Variants in PTP4A3 observed in about 807,000 individuals in gnomAD.
The protein encoded by PTP4A3 is protein tyrosine phosphatase type IVA 3.
Under a neutral mutation model 15.2 loss-of-function variants are expected in PTP4A3, and 9 were observed. The ratio of observed to expected loss-of-function variants is 0.59; its 90% CI spans 0.36 to 1.03. PTP4A3 has a LOEUF of 1.03. Among genes scored for constraint, PTP4A3 ranks in the 50% least tolerant of loss-of-function variants. The probability of loss-of-function intolerance (pLI) is 0.02; values close to 1 mark genes in which losing one functional copy is unlikely to be tolerated. For synonymous variants in PTP4A3, 95 were observed against 102.0 expected, an observed-to-expected ratio of 0.93 and a Z score of 0.41; for missense variants, 234 against 252.1, an observed-to-expected ratio of 0.93 and a Z score of 0.49.
At chr8:141,427,898 G>A (rs985923577) in intron 5 of PTP4A3, 74 bp downstream of exon 5, 9 of 1,377,620 alleles carry the variant, frequency 6.5e-6, no homozygotes, top group East Asian at 2.5e-5. Flanking sequence ...GAAGGGTGGC[G>A]GCATTGGCTG....
In PTP4A3 at chr8:141,426,436, GC is replaced by G. The variant is rs1042740982; in HGVS notation, c.199-500del. 41 of 985,438 alleles carry G rather than the reference GC, an allele frequency of 4.2e-5. No homozygotes were observed. In the African/African-American group the frequency reaches 6.4e-4, roughly 15 times the overall value. The allele number at this position is 985,438 out of a possible 1,614,324, so 61.0% of individuals were successfully genotyped here. A position where few individuals can be genotyped will look rare whatever the true frequency, so the allele number is the denominator to read the frequency against. Reference sequence around the variant, plus strand: ...TCGAGTCCTGCCCTCAGAAATGTGGGCCCTGTCTCGCCCCACAGCCCTGTCT... The same window carrying G: ...TCGAGTCCTGCCCTCAGAAATGTGGGCCTGTCTCGCCCCACAGCCCTGTCT... On this transcript the variant is annotated intron_variant, in intron 3 of 5. Coordinates refer to ENST00000521578, the MANE Select transcript of PTP4A3 (RefSeq NM_032611.3).
At chr8:141,428,677 C>T (rs1252352098) in intron 5 of PTP4A3, among the ~76,000 whole-genome samples, 2 of 152,198 alleles carry the variant, frequency 1.3e-5, no homozygotes, top group Non-Finnish European at 2.9e-5. Flanking sequence ...AGAGCGTGGC[C>T]TGCAGGTGCT....
Position 141,425,035 on chromosome 8 carries a change from C to T in PTP4A3, c.106-13C>T, listed in dbSNP as rs1030909587. The T allele has an allele frequency of 2.5e-6, 4 of 1,609,674 alleles. No homozygotes were observed. Among genetic ancestry groups the T allele is most frequent in the African/African-American group, 2.7e-5 (2 of 74,844 alleles). On this transcript the variant is annotated splice_polypyrimidine_tract_variant and intron_variant, in intron 2 of 5. Coordinates refer to ENST00000521578, the MANE Select transcript of PTP4A3 (RefSeq NM_032611.3). This position sits in a 1 kb window ranked among gnomAD's most constrained non-coding sequence, Gnocchi z 4.2. The stretch of plus-strand genomic sequence containing the variant: ...CCAGCCCAGCCCTGCCTCCTCCGTC[C>T]TCCCACCCCCAGGACCTGAAGAAGT...
Position 141,402,723 on chromosome 8 carries a change from C to T in PTP4A3, c.-854+10639C>T, listed in dbSNP as rs1432006273. ...TCCTGCTCCCCTTTTTCCTCACTTT[C>T]CCCCCACCCCTCCCCCCTGCTTCCG... is the stretch of plus-strand genomic sequence containing the variant. On this transcript the variant is annotated intron_variant, in intron 1 of 5. Coordinates refer to ENST00000521578, the MANE Select transcript of PTP4A3 (RefSeq NM_032611.3). Among the ~76,000 whole-genome samples the T allele has an allele frequency of 2.0e-3, 235 of 119,778 alleles. 1 individual carries two copies. Among genetic ancestry groups the T allele is most frequent in the African/African-American group, 6.3e-3 (208 of 32,778 alleles). 78.6% of individuals were successfully genotyped at this position (119,778 alleles called of 152,430 possible). A position where few individuals can be genotyped will look rare whatever the true frequency, so the allele number is the denominator to read the frequency against.
intron 1 of PTP4A3, among the ~76,000 whole-genome samples, chr8:141,410,237 C>G (rs1267247290): frequency 6.6e-6 from 1 of 152,280 alleles, no homozygotes; most frequent in Non-Finnish European, 1.5e-5. Flanking sequence ...CCCCGGCCCC[C>G]AGGCTCCCAG....
intron 1 of PTP4A3, among the ~76,000 whole-genome samples, chr8:141,394,091 G>A (rs918217667): frequency 1.3e-5 from 2 of 152,210 alleles, no homozygotes; most frequent in African/African-American, 4.8e-5. Context: ...AGGGTGGGCA[G>A]AGTGTCCGCT....
intron 1 of PTP4A3, among the ~76,000 whole-genome samples, chr8:141,410,052 C>T (rs1188121588): frequency 6.6e-6 from 1 of 152,254 alleles, no homozygotes; most frequent in Admixed American, 6.5e-5. Flanking sequence ...GGGGAGGTGA[C>T]CAGGCCTGGC....
At chr8:141,420,691 C>A (rs1456712444) in intron 1 of PTP4A3, among the ~76,000 whole-genome samples, 2 of 152,242 alleles carry the variant, frequency 1.3e-5, no homozygotes, top group African/African-American at 4.8e-5. Context: ...GCCTGTTTAT[C>A]CCCGAGCCTG....
At chr8:141,393,600 T>C (rs922860916) in intron 1 of PTP4A3, among the ~76,000 whole-genome samples, 15 of 152,134 alleles carry the variant, frequency 9.9e-5, no homozygotes, top group African/African-American at 3.6e-4. Flanking sequence ...TGGGAGAAAA[T>C]GCAGGCGGGG....
At chr8:141,402,239 A>T (rs1334569940) in intron 1 of PTP4A3, among the ~76,000 whole-genome samples, 1 of 152,114 alleles carries the variant, frequency 6.6e-6, no homozygotes, top group African/African-American at 2.4e-5. Context: ...GAAGGCATGG[A>T]TGGGACCAGT....
intron 1 of PTP4A3, among the ~76,000 whole-genome samples, chr8:141,407,054 T>C (rs1004748249): frequency 3.9e-5 from 6 of 152,116 alleles, no homozygotes; most frequent in Non-Finnish European, 7.4e-5. Flanking sequence ...GGAGAGTCCC[T>C]CCCCAACTCC....
In PTP4A3 at chr8:141,413,838, C is replaced by CAG. The variant is rs1832936152; in HGVS notation, c.-853-7547_-853-7546dup. Among the ~76,000 whole-genome samples the CAG allele has an allele frequency of 2.1e-5, 3 of 144,782 alleles. No individual in the cohort carries two copies. The South Asian group carries it at 6.4e-4, about 31-fold the overall frequency. The allele number at this position is 144,782 out of a possible 152,430, so 95.0% of individuals were successfully genotyped here. A position where few individuals can be genotyped will look rare whatever the true frequency, so the allele number is the denominator to read the frequency against. ...TGTGCCATCCTCCTTCCAGCCTGGGCAGAGGCCTTCCAGGCAAGATGAAAG... is the reference window on the plus strand; with the variant it reads ...TGTGCCATCCTCCTTCCAGCCTGGGCAGAGAGGCCTTCCAGGCAAGATGAAAG... On this transcript the variant is annotated intron_variant, in intron 1 of 5. Coordinates refer to ENST00000521578, the MANE Select transcript of PTP4A3 (RefSeq NM_032611.3).
chr8:141,426,450 C>T lies in PTP4A3; in HGVS notation c.199-489C>T, dbSNP rs1426361264. 3 of 985,364 alleles carry T rather than the reference C, an allele frequency of 3.0e-6. No individual in the cohort carries two copies. The East Asian group carries it at 3.4e-4, about 112-fold the overall frequency. The allele number at this position is 985,364 out of a possible 1,614,324, so 61.0% of individuals were successfully genotyped here. The stretch of plus-strand genomic sequence containing the variant: ...CAGAAATGTGGGCCCTGTCTCGCCC[C>T]ACAGCCCTGTCTTCAGTCCTTCCTG... On this transcript the variant is annotated intron_variant, in intron 3 of 5. Transcript: ENST00000521578.
At chr8:141,392,754 G>A (rs1367934528) in intron 1 of PTP4A3, among the ~76,000 whole-genome samples, 1 of 152,220 alleles carries the variant, frequency 6.6e-6, no homozygotes, top group African/African-American at 2.4e-5. Context: ...TGGGGTGGTG[G>A]CATGCTTAGC....
chr8:141,396,258 G>A lies in PTP4A3; in HGVS notation c.-854+4174G>A, dbSNP rs868788548. ...ATCCTAGAGGATTGAGACCTCTGGC[G>A]GGTAAGTGTTCATATTACCGTCCTG... is the stretch of plus-strand genomic sequence containing the variant. On this transcript the variant is annotated intron_variant, in intron 1 of 5. Coordinates refer to ENST00000521578, the MANE Select transcript of PTP4A3 (RefSeq NM_032611.3). Among the ~76,000 whole-genome samples the A allele has an allele frequency of 3.3e-5, 5 of 152,338 alleles. 1 individual carries two copies. The Middle Eastern group carries it at 0.01, about 311-fold the overall frequency.
In PTP4A3 at chr8:141,409,301, C is replaced by T. The variant is rs375254573; in HGVS notation, c.-853-12087C>T. Among the ~76,000 whole-genome samples the T allele has an allele frequency of 6.0e-4, 92 of 152,308 alleles. 1 individual carries two copies. The highest frequency in any genetic ancestry group is 3.4e-3 in the Middle Eastern group (1 of 294). On this transcript the variant is annotated intron_variant, in intron 1 of 5. Transcript: ENST00000521578. ...GGCTGTCTCTGAGCCCTGGAGCTGG[C>T]GGGGTAGGGATCAGCTCCTGTGAGC...
At chr8:141,395,688 CCCTCCCT>C (rs1832431991) in intron 1 of PTP4A3, among the ~76,000 whole-genome samples, 2 of 134,670 alleles carry the variant, frequency 1.5e-5, no homozygotes, top group African/African-American at 7.9e-5. Flanking sequence ...CGTGGGCCAC[CCCTCCCT>C]CCTGCAGCCC....
At chr8:141,422,559 G>A (rs1392082991) in intron 2 of PTP4A3, among the ~76,000 whole-genome samples, 3 of 152,132 alleles carry the variant, frequency 2.0e-5, no homozygotes, top group Admixed American at 2.0e-4. Flanking sequence ...GGGGATCAAC[G>A]GGGTCCCCTG....
chr8:141,401,625 G>A (rs1832591468), intron 1 of PTP4A3, among the ~76,000 whole-genome samples: 1 of 152,152 alleles, frequency 6.6e-6, no homozygotes, highest in Non-Finnish European at 1.5e-5. Flanking sequence ...TGGAGGCCTT[G>A]TTTACCCCTC....
Sources: gnomAD v4.1 joint callset for allele counts (sites outside exome capture counted in the v4.1 genomes callset) on GRCh38, gnomAD v4.1.1 for gene constraint, Gnocchi (gnomAD v3.1) non-coding constraint, MANE v1.5 for transcripts, NCBI Gene and HGNC (gene_info 2026-07-23, HGNC 2026-07-21) for gene names.